TRIO: variants seen among roughly 807,000 people sequenced by gnomAD.
The protein encoded by TRIO is trio Rho guanine nucleotide exchange factor.
Under a neutral mutation model 351.9 loss-of-function variants are expected in TRIO, and 58 were observed. That is an observed-to-expected ratio of 0.16 (90% confidence interval 0.13 to 0.21). TRIO has a LOEUF of 0.21. Ranked by LOEUF, TRIO falls within the 10% of genes least tolerant of loss-of-function variation. The pLI is 1.00. For missense variants in TRIO, 3,201 were observed against 4,027.8 expected (o/e 0.79, Z 5.56); for synonymous variants, 1,758 against 1,595.7 (o/e 1.10, Z -2.42).
chr5:14,452,053 G>A (rs1007263148), intron 34 of TRIO, among the ~76,000 whole-genome samples: 3 of 152,342 alleles, frequency 2.0e-5, no homozygotes, highest in South Asian at 2.1e-4. Flanking sequence ...CATCGGAAAC[G>A]CCCTGGCTGT....
chr5:14,223,866 C>A (rs958060893), intron 1 of TRIO, among the ~76,000 whole-genome samples: 1 of 152,148 alleles, frequency 6.6e-6, no homozygotes, highest in African/African-American at 2.4e-5. Context: ...TATTGTCTTA[C>A]TGTTACATTT....
At chr5:14,372,253 T>TGAGAGAGAGA (rs71599622) in intron 18 of TRIO, among the ~76,000 whole-genome samples, 1 of 115,260 alleles carries the variant, frequency 8.7e-6, no homozygotes, top group African/African-American at 3.2e-5. Context: ...GGCGGGGGTG[T>TGAGAGAGAGA]GAGAGAGAGA....
intron 34 of TRIO, among the ~76,000 whole-genome samples, chr5:14,449,411 G>A (rs1229944168): frequency 1.3e-5 from 2 of 152,184 alleles, no homozygotes; most frequent in Non-Finnish European, 2.9e-5. Flanking sequence ...CCTATCTCTA[G>A]GGCTTCTCAC....
chr5:14,280,221 T>C, intron 2 of TRIO, 101 bp from the exon 3 acceptor site: 1 of 1,088,904 alleles, frequency 9.2e-7, no homozygotes, highest in South Asian at 1.4e-5. Flanking sequence ...TGCAAATTTG[T>C]GTAGTTGCTT....
chr5:14,268,170 T>A (rs1795793376), intron 1 of TRIO, among the ~76,000 whole-genome samples: 1 of 151,828 alleles, frequency 6.6e-6, no homozygotes, highest in Non-Finnish European at 1.5e-5. Context: ...TGAGAGGGAG[T>A]CCATGACTCA....
intron 1 of TRIO, among the ~76,000 whole-genome samples, chr5:14,157,324 C>T (rs1473847318): frequency 3.3e-5 from 5 of 152,136 alleles, no homozygotes; most frequent in East Asian, 3.9e-4. Context: ...AATCATGGAA[C>T]GGTGGGTGAG....
intron 34 of TRIO, chr5:14,420,318 C>G (rs1750013774): frequency 2.9e-6 from 1 of 349,738 alleles, no homozygotes. Flanking sequence ...TGCTTCCTTC[C>G]TTTATCATCT....
At chr5:14,308,582 CCAAT>C (rs1451608530) in intron 8 of TRIO, among the ~76,000 whole-genome samples, 2 of 151,528 alleles carry the variant, frequency 1.3e-5, no homozygotes, top group African/African-American at 2.4e-5. Flanking sequence ...GTCCATTTAT[CCAAT>C]CATTCATTCA....
rs1305138600 is a variant in TRIO at position 14,419,961 on chromosome 5, T to C, written c.5143T>C (p.Ser1715Pro). 1 of 1,614,142 alleles carries C rather than the reference T, an allele frequency of 6.2e-7. No individual in the cohort carries two copies. The highest frequency in any genetic ancestry group is 8.5e-7 in the Non-Finnish European group (1 of 1,180,052). ...GGCAGAAGGCCTGGTCCCCTGTGGT[T>C]CACTGTGCATCGCCCACTCCAGAAG... ...PAAEGLVPCGSLCIAHSRSSM... is the reference protein window; with the variant it reads ...PAAEGLVPCGPLCIAHSRSSM... The change falls in exon 34 of 57, where the codon TCA becomes CCA. Residue 1715 changes from serine to proline, a missense_variant. By Grantham distance (74) the Ser-to-Pro change is moderately conservative. Transcript: ENST00000344204.
intron 9 of TRIO, among the ~76,000 whole-genome samples, chr5:14,324,126 A>G (rs1374215402): frequency 6.6e-6 from 1 of 152,236 alleles, no homozygotes; most frequent in Non-Finnish European, 1.5e-5. Flanking sequence ...AGTAACTAAA[A>G]TAAATGGAAC....
chr5:14,386,399 G>T (rs1471695567), intron 21 of TRIO, among the ~76,000 whole-genome samples: 1 of 152,140 alleles, frequency 6.6e-6, no homozygotes, highest in Non-Finnish European at 1.5e-5. Context: ...GACTTCACAG[G>T]TTACCCAGTG....
chr5:14,380,510 C>T (rs562241474), intron 20 of TRIO, among the ~76,000 whole-genome samples: 3 of 149,660 alleles, frequency 2.0e-5, no homozygotes, highest in South Asian at 2.1e-4. Flanking sequence ...ACTCCCCTCT[C>T]TCTGCACTCT....
chr5:14,236,618 A>G (rs190143196), intron 1 of TRIO, among the ~76,000 whole-genome samples: 21 of 152,324 alleles, frequency 1.4e-4, no homozygotes, highest in Non-Finnish European at 2.1e-4. Context: ...CATTCAATAT[A>G]TATGTTTTAA....
intron 37 of TRIO, among the ~76,000 whole-genome samples, chr5:14,466,909 G>C (rs1754302403): frequency 6.6e-6 from 1 of 152,126 alleles, no homozygotes; most frequent in African/African-American, 2.4e-5. Flanking sequence ...TGGATTCTGT[G>C]ATAATAATAC....
intron 42 of TRIO, 90 bp downstream of exon 42, chr5:14,479,440 A>G: frequency 1.7e-6 from 2 of 1,168,502 alleles, no homozygotes; most frequent in African/African-American, 1.5e-5. Flanking sequence ...TTCCCAGGAG[A>G]CTAATTTCCA....
intron 1 of TRIO, among the ~76,000 whole-genome samples, chr5:14,253,555 T>C (rs1020135917): frequency 1.3e-5 from 2 of 152,052 alleles, no homozygotes; most frequent in South Asian, 2.1e-4. Context: ...CCCAGGCTGG[T>C]CTTGAACTCC....
intron 1 of TRIO, among the ~76,000 whole-genome samples, chr5:14,196,418 G>A (rs1003917623): frequency 2.0e-4 from 13 of 66,266 alleles, no homozygotes; most frequent in South Asian, 1.4e-3. Flanking sequence ...GCCAGACTCC[G>A]TCTCAAAAAA....
At chr5:14,175,801 G>C (rs977270367) in intron 1 of TRIO, among the ~76,000 whole-genome samples, 1 of 152,204 alleles carries the variant, frequency 6.6e-6, no homozygotes, top group Non-Finnish European at 1.5e-5. Context: ...AAATCTGTGC[G>C]AGTCATGAAA....
chr5:14,264,901 G>A (rs1231101846), intron 1 of TRIO, among the ~76,000 whole-genome samples: 2 of 152,142 alleles, frequency 1.3e-5, no homozygotes, highest in African/African-American at 2.4e-5. Flanking sequence ...AGGCGTGCGC[G>A]CGCGAAGTTT....
Sources: gnomAD v4.1 joint callset for allele counts (sites outside exome capture counted in the v4.1 genomes callset) on GRCh38, gnomAD v4.1.1 for gene constraint, MANE v1.5 for transcripts, NCBI Gene and HGNC (gene_info 2026-07-23, HGNC 2026-07-21) for gene names.